MTUS2: variants seen among roughly 807,000 people sequenced by gnomAD.
MTUS2 encodes the protein microtubule-associated tumor suppressor candidate 2.
A neutral mutation model predicts 114.1 loss-of-function variants in MTUS2; 40 were observed. The observed-to-expected ratio is 0.35, with a 90% CI of 0.27 to 0.46. The LOEUF (loss-of-function observed/expected upper bound fraction) is 0.46, where lower values mean the gene tolerates loss of function less well. Among genes scored for constraint, MTUS2 ranks in the 20% least tolerant of loss-of-function variants. The probability of loss-of-function intolerance (pLI) is 1.00; values close to 1 mark genes in which losing one functional copy is unlikely to be tolerated. For synonymous variants in MTUS2, 688 were observed against 672.0 expected (o/e 1.02, Z -0.37); for missense variants, 1,679 against 1,705.4 (o/e 0.98, Z 0.27).
intron 2 of MTUS2, among the ~76,000 whole-genome samples, chr13:28,950,940 C>T (rs575040072): frequency 6.6e-5 from 10 of 152,130 alleles, no homozygotes; most frequent in South Asian, 2.1e-4. Context: ...ATCTGTGAAA[C>T]GCAATAAAGT....
chr13:29,218,096 A>C (rs1013998299), intron 5 of MTUS2, among the ~76,000 whole-genome samples: 31 of 152,078 alleles, frequency 2.0e-4, no homozygotes, highest in Admixed American at 2.0e-3. Flanking sequence ...CAGCCTGAAC[A>C]AAAGAGTGAG....
At chr13:29,270,642 C>T (rs910272023) in intron 5 of MTUS2, among the ~76,000 whole-genome samples, 1 of 152,224 alleles carries the variant, frequency 6.6e-6, no homozygotes, top group African/African-American at 2.4e-5. Flanking sequence ...TGGACAGGCA[C>T]GTGGGGCTGG....
chr13:29,166,678 C>G (rs1215802441), intron 5 of MTUS2, among the ~76,000 whole-genome samples: 1 of 152,182 alleles, frequency 6.6e-6, no homozygotes, highest in East Asian at 1.9e-4. Flanking sequence ...TACATTTAGA[C>G]TTTCAAAATC....
intron 2 of MTUS2, among the ~76,000 whole-genome samples, chr13:28,974,467 A>G (rs1883997969): frequency 6.6e-6 from 1 of 152,160 alleles, no homozygotes; most frequent in Non-Finnish European, 1.5e-5. Flanking sequence ...AATCATGAAC[A>G]CCAATGTTGA....
At chr13:29,040,069 T>G (rs1379301830) in intron 4 of MTUS2, among the ~76,000 whole-genome samples, 1 of 152,218 alleles carries the variant, frequency 6.6e-6, no homozygotes, top group African/African-American at 2.4e-5. Flanking sequence ...GCACCCATTA[T>G]TCAAGCAGTG....
intron 2 of MTUS2, among the ~76,000 whole-genome samples, chr13:28,841,256 G>A (rs566865141): frequency 6.6e-6 from 1 of 152,196 alleles, no homozygotes; most frequent in Non-Finnish European, 1.5e-5. Flanking sequence ...ATGGGATGTG[G>A]CAATACTTTG....
At chr13:29,233,040 C>T (rs1244580511) in intron 5 of MTUS2, among the ~76,000 whole-genome samples, 1 of 152,128 alleles carries the variant, frequency 6.6e-6, no homozygotes, top group African/African-American at 2.4e-5. Context: ...CAAAATGACT[C>T]TGAAGTCATG....
intron 5 of MTUS2, among the ~76,000 whole-genome samples, chr13:29,116,044 G>T (rs1307043984): frequency 1.3e-5 from 2 of 152,170 alleles, no homozygotes; most frequent in Non-Finnish European, 2.9e-5. Flanking sequence ...TGAATAATGT[G>T]CTGTTTTAAC....
chr13:29,118,577 A>G (rs1891182564), intron 5 of MTUS2, among the ~76,000 whole-genome samples: 1 of 152,206 alleles, frequency 6.6e-6, no homozygotes, highest in Non-Finnish European at 1.5e-5. Flanking sequence ...GCTCGTGGGA[A>G]GCTGAGTTCA....
intron 2 of MTUS2, among the ~76,000 whole-genome samples, chr13:29,016,328 G>C (rs551980066): frequency 1.1e-3 from 162 of 151,096 alleles, no homozygotes; most frequent in African/African-American, 3.8e-3. Context: ...TTATTTTCTG[G>C]GTGGAATTCT....
intron 2 of MTUS2, among the ~76,000 whole-genome samples, chr13:29,001,964 G>A (rs761363999): frequency 2.0e-5 from 3 of 152,148 alleles, no homozygotes; most frequent in Non-Finnish European, 4.4e-5. Flanking sequence ...CATTTCTCCA[G>A]CTTTTTGATG....
At chr13:28,901,172 T>A (rs1879622812) in intron 2 of MTUS2, among the ~76,000 whole-genome samples, 1 of 152,206 alleles carries the variant, frequency 6.6e-6, no homozygotes, top group African/African-American at 2.4e-5. Flanking sequence ...AATATCCTCT[T>A]TGGAGAAGAG....
chr13:29,120,949 C>T (rs1180683097), intron 5 of MTUS2, among the ~76,000 whole-genome samples: 3 of 152,212 alleles, frequency 2.0e-5, no homozygotes, highest in Non-Finnish European at 4.4e-5. Flanking sequence ...TTTTATAAGT[C>T]ATGTCATGTT....
chr13:29,244,549 A>G (rs1593214738), intron 5 of MTUS2, among the ~76,000 whole-genome samples: 1 of 152,160 alleles, frequency 6.6e-6, no homozygotes, highest in African/African-American at 2.4e-5. Flanking sequence ...GCATGAACAC[A>G]CTGGCAGGAT....
At chr13:29,193,262 G>A (rs115510566) in intron 5 of MTUS2, among the ~76,000 whole-genome samples, 6 of 152,172 alleles carry the variant, frequency 3.9e-5, no homozygotes, top group Non-Finnish European at 5.9e-5. Context: ...GGGAGGACTC[G>A]AAAGGGGGAG....
chr13:29,421,173 T>C (rs190194212), intron 8 of MTUS2, among the ~76,000 whole-genome samples: 2 of 152,300 alleles, frequency 1.3e-5, no homozygotes, highest in African/African-American at 4.8e-5. Flanking sequence ...AAAATTTCTG[T>C]TTTCTATTTT....
At chr13:29,191,526 G>A (rs1259191606) in intron 5 of MTUS2, among the ~76,000 whole-genome samples, 10 of 152,108 alleles carry the variant, frequency 6.6e-5, no homozygotes, top group Non-Finnish European at 8.8e-5. Context: ...CTCTTTTGCC[G>A]TGTTTGTGAA....
At chr13:28,953,257 C>T (rs1482434254) in intron 2 of MTUS2, among the ~76,000 whole-genome samples, 2 of 151,982 alleles carry the variant, frequency 1.3e-5, no homozygotes, top group Admixed American at 6.6e-5. Context: ...GCCTGTAATC[C>T]CTGCACTTTG....
intron 8 of MTUS2, among the ~76,000 whole-genome samples, chr13:29,420,683 C>A (rs984282811): frequency 6.6e-6 from 1 of 152,214 alleles, no homozygotes; most frequent in Non-Finnish European, 1.5e-5. Context: ...TAGACAGATG[C>A]ACTTGGGGTC....
Sources: allele counts gnomAD v4.1 joint callset (sites outside exome capture counted in the v4.1 genomes callset), GRCh38; gene constraint gnomAD v4.1.1; transcripts MANE v1.5; gene names NCBI Gene and HGNC (gene_info 2026-07-23, HGNC 2026-07-21).